The following SLIT3 variants were observed in gnomAD, a reference collection of about 807,000 sequenced individuals.
SLIT3 encodes slit homolog 3 protein.
In SLIT3, 68 loss-of-function variants were observed where a neutral mutation model predicts 184.0. That is an observed-to-expected ratio of 0.37 (90% CI 0.30 to 0.45). SLIT3 has a LOEUF of 0.45. Ranked by LOEUF, SLIT3 falls within the 20% of genes least tolerant of loss-of-function variation. The pLI is 1.00. For synonymous variants in SLIT3, 831 were observed against 828.6 expected (o/e 1.00, Z -0.05); for missense variants, 1,707 against 2,026.0 (o/e 0.84, Z 3.02).
At position 169,108,205 on chromosome 5, in the gene SLIT3, G is replaced by C. The variant is rs530511944; in HGVS notation, c.413+85274C>G. ...CAAAAAGTCAAAAGTTCTCCAGATGGAAGGCAAGGACCAATTATTTTCAGA... is the reference window on the plus strand; with the variant it reads ...CAAAAAGTCAAAAGTTCTCCAGATGCAAGGCAAGGACCAATTATTTTCAGA... On this transcript the variant is annotated intron_variant, in intron 4 of 35. Transcript: ENST00000519560. Among the ~76,000 whole-genome samples the C allele has an allele frequency of 3.0e-4, 46 of 152,342 alleles. No homozygotes were observed. In the South Asian group the frequency reaches 8.9e-3, roughly 29 times the overall value.
chr5:168,780,613 G>A (rs150877955), intron 12 of SLIT3, among the ~76,000 whole-genome samples: 4 of 152,316 alleles, frequency 2.6e-5, no homozygotes, highest in Non-Finnish European at 4.4e-5. Context: ...ACATTGGCAC[G>A]AACGCTTAGT....
chr5:169,056,386 A>G (rs900419741), intron 4 of SLIT3, among the ~76,000 whole-genome samples: 7 of 152,068 alleles, frequency 4.6e-5, no homozygotes, highest in Non-Finnish European at 1.0e-4. Flanking sequence ...CAGTCCATTA[A>G]ATATATATGT....
chr5:168,986,210 T>G (rs1006409249), intron 4 of SLIT3, among the ~76,000 whole-genome samples: 4 of 152,198 alleles, frequency 2.6e-5, no homozygotes, highest in African/African-American at 9.7e-5. Context: ...TGCTAGATGC[T>G]AAGTAGGCAA....
intron 2 of SLIT3, among the ~76,000 whole-genome samples, chr5:169,249,606 A>T (rs1173307756): frequency 6.6e-6 from 1 of 152,248 alleles, no homozygotes; most frequent in Non-Finnish European, 1.5e-5. Flanking sequence ...AAATAAAAAA[A>T]AATAAAGTGA....
intron 4 of SLIT3, among the ~76,000 whole-genome samples, chr5:169,170,056 C>A (rs1762768332): frequency 6.6e-6 from 1 of 152,198 alleles, no homozygotes; most frequent in Non-Finnish European, 1.5e-5. Context: ...AGGAGGGAAC[C>A]TCCAGACCCT....
At chr5:168,880,592 C>T (rs41535254) in intron 5 of SLIT3, among the ~76,000 whole-genome samples, 8,399 of 152,306 alleles carry the variant, frequency 0.055, 425 homozygotes, top group African/African-American at 0.12. Context: ...ATGCATCAAG[C>T]GTAGGACTAA....
At chr5:169,112,615 C>T (rs192355388) in intron 4 of SLIT3, among the ~76,000 whole-genome samples, 178 of 149,414 alleles carry the variant, frequency 1.2e-3, no homozygotes, top group East Asian at 1.2e-3. Context: ...TACTTTCTAG[C>T]GGACCTCAAA....
At chr5:168,933,025 C>T (rs998885014) in intron 4 of SLIT3, among the ~76,000 whole-genome samples, 1 of 152,162 alleles carries the variant, frequency 6.6e-6, no homozygotes, top group Non-Finnish European at 1.5e-5. Context: ...GCATTGCCAG[C>T]TTACAGAGGT....
chr5:168,739,056 T>A (rs1460947259), intron 20 of SLIT3, among the ~76,000 whole-genome samples: 2 of 152,126 alleles, frequency 1.3e-5, no homozygotes, highest in Non-Finnish European at 2.9e-5. Context: ...TTAACAACTT[T>A]CCCTCACTTA....
At chr5:168,832,577 A>G (rs754464180) in intron 6 of SLIT3, among the ~76,000 whole-genome samples, 1 of 152,258 alleles carries the variant, frequency 6.6e-6, no homozygotes, top group Non-Finnish European at 1.5e-5. Context: ...ATCCAGGAGT[A>G]CAAACACAAT....
intron 32 of SLIT3, among the ~76,000 whole-genome samples, chr5:168,673,969 C>T (rs922902665): frequency 6.6e-6 from 1 of 152,188 alleles, no homozygotes; most frequent in East Asian, 1.9e-4. Flanking sequence ...TTTTCAATTG[C>T]CCAATTTCCC....
chr5:168,878,882 T>G (rs1227327792), intron 5 of SLIT3, among the ~76,000 whole-genome samples: 2 of 152,072 alleles, frequency 1.3e-5, no homozygotes, highest in Non-Finnish European at 2.9e-5. Context: ...ACCCAGCTAA[T>G]TTTTGTATTT....
At chr5:168,707,632 A>G in intron 26 of SLIT3, 1 of 205,856 alleles carries the variant, frequency 4.9e-6, no homozygotes, top group Non-Finnish European at 9.9e-6. Context: ...TTAGAAGGGA[A>G]ATTGGGAGAG....
chr5:169,156,624 C>G lies in SLIT3; in HGVS notation c.413+36855G>C, dbSNP rs1039234257. ...ACCAGGCAGTATCACTAAAAATACTCACTAAGAGATTGAAAGGTAATCATA... is the reference window on the plus strand; with the variant it reads ...ACCAGGCAGTATCACTAAAAATACTGACTAAGAGATTGAAAGGTAATCATA... On this transcript the variant is annotated intron_variant, in intron 4 of 35. Transcript: ENST00000519560. Among the ~76,000 whole-genome samples the G allele has an allele frequency of 2.2e-4, 34 of 152,212 alleles. 1 individual carries two copies. Among genetic ancestry groups the G allele is most frequent in the African/African-American group, 8.2e-4 (34 of 41,460 alleles).
chr5:168,900,073 T>C (rs1279490377), intron 4 of SLIT3, among the ~76,000 whole-genome samples: 1 of 152,108 alleles, frequency 6.6e-6, no homozygotes. Flanking sequence ...CTAATGCAAA[T>C]TAAAACCACA....
At chr5:169,066,708 G>A (rs1581370022) in intron 4 of SLIT3, among the ~76,000 whole-genome samples, 1 of 151,990 alleles carries the variant, frequency 6.6e-6, no homozygotes, top group East Asian at 1.9e-4. Context: ...AAATCATCAT[G>A]GTATACTCAA....
At chr5:168,988,211 T>G (rs763529582) in intron 4 of SLIT3, among the ~76,000 whole-genome samples, 1 of 152,198 alleles carries the variant, frequency 6.6e-6, no homozygotes, top group African/African-American at 2.4e-5. Context: ...TCCTGGAAAA[T>G]CCTTCCGTGC....
intron 3 of SLIT3, among the ~76,000 whole-genome samples, chr5:169,236,958 C>A (rs906289340): frequency 6.6e-6 from 1 of 152,164 alleles, no homozygotes; most frequent in Non-Finnish European, 1.5e-5. Context: ...TCTAACCACC[C>A]ATTTCAACAG....
At position 168,753,037 on chromosome 5, in the gene SLIT3, C is replaced by T; in HGVS notation, c.1891G>A (p.Val631Met). The T allele has an allele frequency of 1.2e-6, 2 of 1,614,080 alleles. No homozygotes were observed. Among genetic ancestry groups the T allele is most frequent in the African/African-American group, 1.3e-5 (1 of 74,990 alleles). Residue 631 changes from valine to methionine, a missense_variant, in exon 18 of 36, where the codon GTG (valine) becomes ATG (methionine). Physicochemically the swap from Val to Met is conservative, Grantham distance 21 (BLOSUM62 1). This residue lies in a region of SLIT3 where 1,307 missense variants were observed against 1,511.6 expected (regional missense o/e 0.86). Coordinates refer to ENST00000519560, the MANE Select transcript of SLIT3 (RefSeq NM_003062.4). ...TTGTCATAGAGGGACAGCAGTCTCA[C>T]CGAACTCAGGCCGGCAAAGGTGTCA... The part of the protein sequence containing the change: ...SNDTFAGLSS[V>M]RLLSLYDNRI...
Sources: allele counts gnomAD v4.1 joint callset (sites outside exome capture counted in the v4.1 genomes callset), GRCh38; gene constraint gnomAD v4.1.1; regional missense constraint gnomAD v4.1.1; transcripts MANE v1.5; gene names NCBI Gene and HGNC (gene_info 2026-07-23, HGNC 2026-07-21).